Variants in TSNARE1 observed in about 807,000 individuals in gnomAD.
TSNARE1 encodes t-SNARE domain-containing protein 1.
In TSNARE1, 49 loss-of-function variants were observed where a neutral mutation model predicts 62.0. The observed-to-expected ratio is 0.79, with a 90% CI of 0.63 to 1.00. TSNARE1 has a LOEUF of 1.00. TSNARE1 is among the 50% of genes least tolerant of loss of function. The probability of loss-of-function intolerance (pLI) is 0.00; values close to 1 mark genes in which losing one functional copy is unlikely to be tolerated. For synonymous variants in TSNARE1, 328 were observed against 294.4 expected, an observed-to-expected ratio of 1.11 and a Z score of -1.17; for missense variants, 755 against 700.1, an observed-to-expected ratio of 1.08 and a Z score of -0.88.
chr8:142,330,833 C>T (rs779829643), intron 6 of TSNARE1, 68 bp downstream of exon 6: 5 of 1,536,550 alleles, frequency 3.3e-6, no homozygotes, highest in Non-Finnish European at 4.5e-6. Context: ...AGGAGGACCA[C>T]ACTCCCGCCC....
chr8:142,325,568 G>A (rs575831468), intron 6 of TSNARE1, among the ~76,000 whole-genome samples: 1 of 152,312 alleles, frequency 6.6e-6, no homozygotes. Context: ...ACCGGTGAGG[G>A]CAGGGTGGCG....
chr8:142,274,933 C>A (rs574097621), intron 11 of TSNARE1, 70 bp from the exon 12 acceptor site: 24 of 1,421,202 alleles, frequency 1.7e-5, no homozygotes, highest in African/African-American at 1.0e-4. Context: ...GGACACCCCC[C>A]AAAGGCAAGC....
chr8:142,216,556 G>A lies in TSNARE1; in HGVS notation c.*12-4243C>T, dbSNP rs185085194. ...GGTGTCGGCCTCCCGGCCTGGCACAGCAGCATAGCACCCCCTGTCCCACCC... is the reference window on the plus strand; with the variant it reads ...GGTGTCGGCCTCCCGGCCTGGCACAACAGCATAGCACCCCCTGTCCCACCC... On this transcript the variant is annotated intron_variant, in intron 13 of 13. Transcript: ENST00000524325. Among the ~76,000 whole-genome samples, 11 of 152,298 alleles carry A rather than the reference G, an allele frequency of 7.2e-5. No homozygotes were observed. In the East Asian group the frequency reaches 1.7e-3, roughly 24 times the overall value.
intron 9 of TSNARE1, among the ~76,000 whole-genome samples, chr8:142,301,791 C>G (rs1451264943): frequency 6.6e-6 from 1 of 151,736 alleles, no homozygotes; most frequent in African/African-American, 2.4e-5. Context: ...TGCCCCCGAT[C>G]TTCCTGAAAA....
chr8:142,353,238 G>A (rs558596019), intron 2 of TSNARE1, among the ~76,000 whole-genome samples: 36 of 152,204 alleles, frequency 2.4e-4, no homozygotes, highest in Middle Eastern at 3.4e-3. Flanking sequence ...TTCCTTCCTA[G>A]CACTCAAGAA....
chr8:142,276,457 G>A (rs1322355682), intron 11 of TSNARE1: 1 of 985,346 alleles, frequency 1.0e-6, no homozygotes, highest in Non-Finnish European at 1.2e-6. Flanking sequence ...ACGTGCAAAG[G>A]AGCCACCTTA....
chr8:142,328,894 G>A (rs1328799590), intron 6 of TSNARE1, among the ~76,000 whole-genome samples: 1 of 152,078 alleles, frequency 6.6e-6, no homozygotes, highest in Non-Finnish European at 1.5e-5. Flanking sequence ...TCAGAGAAAT[G>A]GGCCCCACCT....
intron 1 of TSNARE1, among the ~76,000 whole-genome samples, chr8:142,394,564 C>T (rs912985162): frequency 2.0e-5 from 3 of 152,200 alleles, no homozygotes; most frequent in Non-Finnish European, 4.4e-5. Context: ...GGCCCATTTC[C>T]CATGGCGCAG....
At chr8:142,318,749 A>T in intron 6 of TSNARE1, 115 bp from the exon 7 acceptor site, 1 of 886,478 alleles carries the variant, frequency 1.1e-6, no homozygotes, top group African/African-American at 1.6e-5. Context: ...AGACAGAGAC[A>T]GATGGATGGA....
chr8:142,227,298 C>T (rs1305643164), intron 13 of TSNARE1, among the ~76,000 whole-genome samples: 1 of 149,756 alleles, frequency 6.7e-6, no homozygotes, highest in African/African-American at 2.5e-5. Flanking sequence ...CAGTGACAGC[C>T]AGGACCCCCT....
At chr8:142,399,931 A>T (rs1181552187) in intron 1 of TSNARE1, among the ~76,000 whole-genome samples, 1 of 152,200 alleles carries the variant, frequency 6.6e-6, no homozygotes, top group Non-Finnish European at 1.5e-5. Flanking sequence ...GCCATGACTC[A>T]CGCTGGGAAT....
At chr8:142,356,334 G>A (rs917749410) in intron 1 of TSNARE1, among the ~76,000 whole-genome samples, 5 of 152,142 alleles carry the variant, frequency 3.3e-5, no homozygotes, top group African/African-American at 1.2e-4. Context: ...CTGCCCAGTC[G>A]CCATGGCCTC....
At chr8:142,244,113 G>A (rs1386010974) in intron 12 of TSNARE1, among the ~76,000 whole-genome samples, 1 of 152,216 alleles carries the variant, frequency 6.6e-6, no homozygotes, top group African/African-American at 2.4e-5. Flanking sequence ...GTGAACCCGG[G>A]AGGCGGAGCT....
chr8:142,256,317 C>T (rs1412566634), intron 12 of TSNARE1, among the ~76,000 whole-genome samples: 4 of 143,404 alleles, frequency 2.8e-5, no homozygotes, highest in Non-Finnish European at 6.2e-5. Flanking sequence ...CCATCATCAC[C>T]ACCATCACCA....
At position 142,222,776 on chromosome 8, in the gene TSNARE1, C is replaced by CCACT. The variant is rs1245197004; in HGVS notation, c.*11+6693_*11+6696dup. 3.8e-3 allele frequency among the ~76,000 whole-genome samples: 201 copies of CCACT among 52,266 alleles called. 29 individuals carry two copies. The Middle Eastern group carries it at 0.052, about 13-fold the overall frequency. The allele number at this position is 52,266 out of a possible 152,430, so 34.3% of individuals were successfully genotyped here. A position where few individuals can be genotyped will look rare whatever the true frequency, so the allele number is the denominator to read the frequency against. On this transcript the variant is annotated intron_variant, in intron 13 of 13. Coordinates refer to ENST00000524325, the MANE Select transcript of TSNARE1 (RefSeq NM_145003.5). ...TCCACTCACTCACTCATTCACTCAT[C>CCACT]CACTCACTCACTCACTCATCCACTC... is the stretch of plus-strand genomic sequence containing the variant.
intron 3 of TSNARE1, 71 bp downstream of exon 3, chr8:142,345,672 G>C: frequency 6.9e-7 from 1 of 1,454,956 alleles, no homozygotes; most frequent in Non-Finnish European, 9.1e-7. Context: ...TGCTGACCCT[G>C]CCCTCCTCAG....
rs149058342 is a variant in TSNARE1 at position 142,288,196 on chromosome 8, C to A, written c.1291-3711G>T. Among the ~76,000 whole-genome samples, 291 of 152,310 alleles carry A rather than the reference C, an allele frequency of 1.9e-3. 2 individuals carry two copies. Among genetic ancestry groups the A allele is most frequent in the African/African-American group, 6.5e-3 (271 of 41,578 alleles). ...GGCCGGGTCCAGTGCCTTTCAGGGG[C>A]CTGGGACGCCCAGCGGCTGGGGCGG... On this transcript the variant is annotated intron_variant, in intron 10 of 13. Coordinates refer to ENST00000524325, the MANE Select transcript of TSNARE1 (RefSeq NM_145003.5).
At chr8:142,280,030 A>C in intron 11 of TSNARE1, 1 of 1,225,442 alleles carries the variant, frequency 8.2e-7, no homozygotes. Context: ...GAGGTCCCCC[A>C]GGTCGCGGCG....
chr8:142,312,344 A>G (rs12679140), intron 9 of TSNARE1, among the ~76,000 whole-genome samples: 34,914 of 152,112 alleles, frequency 0.23, 4,613 homozygotes, highest in African/African-American at 0.36. Flanking sequence ...CCTGTTACCT[A>G]TGATGCCTGA....
Sources: allele counts gnomAD v4.1 joint callset (sites outside exome capture counted in the v4.1 genomes callset), GRCh38; gene constraint gnomAD v4.1.1; transcripts MANE v1.5; gene names NCBI Gene and HGNC (gene_info 2026-07-23, HGNC 2026-07-21).